The following PDE1A variants were observed in gnomAD, a reference collection of about 807,000 sequenced individuals.
PDE1A encodes phosphodiesterase 1A.
A neutral mutation model predicts 61.7 loss-of-function variants in PDE1A; 35 were observed. The observed-to-expected ratio is 0.57, with a 90% CI of 0.43 to 0.75. PDE1A has a LOEUF of 0.75. Among genes scored for constraint, PDE1A ranks in the 30% least tolerant of loss-of-function variants. The pLI is 0.00. For synonymous variants in PDE1A, 232 were observed against 213.2 expected (o/e 1.09, Z -0.77); for missense variants, 597 against 630.6 (o/e 0.95, Z 0.57).
intron 2 of PDE1A, among the ~76,000 whole-genome samples, chr2:182,514,963 A>AATAAAGAAC (rs756106390): frequency 2.6e-5 from 4 of 152,186 alleles, no homozygotes; most frequent in Non-Finnish European, 4.4e-5. Flanking sequence ...CACACACCCA[A>AATAAAGAAC]ACCATGTTCT....
At chr2:182,707,691 G>A in the PDE1A span, among the ~76,000 whole-genome samples, 1 of 152,156 alleles carries the variant, frequency 6.6e-6, no homozygotes, top group Non-Finnish European at 1.5e-5. Flanking sequence ...GATTCACCAT[G>A]GATTCTATCA....
chr2:182,281,982 A>C (rs1238449600), intron 1 of PDE1A, among the ~76,000 whole-genome samples: 2 of 151,872 alleles, frequency 1.3e-5, no homozygotes, highest in African/African-American at 4.8e-5. Context: ...GATCACCCAA[A>C]TCATTCACCC....
chr2:182,305,684 TAA>T (rs894311969), intron 1 of PDE1A, among the ~76,000 whole-genome samples: 90 of 150,144 alleles, frequency 6.0e-4, no homozygotes, highest in African/African-American at 2.1e-3. Flanking sequence ...TCTCTAATGA[TAA>T]AAGTGATGTA....
chr2:182,271,776 A>G (rs1177570576), intron 1 of PDE1A, among the ~76,000 whole-genome samples: 1 of 152,150 alleles, frequency 6.6e-6, no homozygotes, highest in Non-Finnish European at 1.5e-5. Flanking sequence ...AAGGGTATTT[A>G]TGGTTTGCAT....
At chr2:182,516,559 G>A (rs911783235) in intron 2 of PDE1A, among the ~76,000 whole-genome samples, 2 of 151,656 alleles carry the variant, frequency 1.3e-5, no homozygotes, top group African/African-American at 4.8e-5. Flanking sequence ...AGGCTGAGGT[G>A]GGAGGATCAC....
At chr2:182,641,037 G>C in the PDE1A span, among the ~76,000 whole-genome samples, 1 of 48,034 alleles carries the variant, frequency 2.1e-5, no homozygotes, top group African/African-American at 7.3e-5. Flanking sequence ...AAAAGAAGAA[G>C]AAGAAGATAT....
chr2:182,656,200 A>G, the PDE1A span, among the ~76,000 whole-genome samples: 1,562 of 152,334 alleles, frequency 0.01, 27 homozygotes, highest in East Asian at 0.088. Context: ...AGGAGTTCTC[A>G]TCATTCCACT....
the PDE1A span, among the ~76,000 whole-genome samples, chr2:182,623,186 T>C: frequency 1.3e-5 from 2 of 152,114 alleles, no homozygotes; most frequent in Non-Finnish European, 2.9e-5. Flanking sequence ...GGCATATGCA[T>C]ACACTAAGCT....
At chr2:182,438,794 C>T (rs1684607387) in intron 2 of PDE1A, among the ~76,000 whole-genome samples, 1 of 151,908 alleles carries the variant, frequency 6.6e-6, no homozygotes, top group South Asian at 2.1e-4. Flanking sequence ...AGACTATATC[C>T]AATAGGCAAT....
chr2:182,212,404 T>TG (rs1559193826), intron 7 of PDE1A, among the ~76,000 whole-genome samples: 1 of 151,980 alleles, frequency 6.6e-6, no homozygotes, highest in African/African-American at 2.4e-5. Flanking sequence ...TACAATACAT[T>TG]GGGGAGGAGC....
At chr2:182,275,271 C>T (rs893536376) in intron 1 of PDE1A, among the ~76,000 whole-genome samples, 1 of 152,064 alleles carries the variant, frequency 6.6e-6, no homozygotes, top group Admixed American at 6.6e-5. Context: ...GTAAGAGAGG[C>T]TTCCTCAAGG....
intron 1 of PDE1A, among the ~76,000 whole-genome samples, chr2:182,409,264 C>G (rs1406998012): frequency 6.6e-6 from 1 of 152,142 alleles, no homozygotes; most frequent in Non-Finnish European, 1.5e-5. Flanking sequence ...CTGTGAATAG[C>G]CTGCTAGAAA....
chr2:182,657,891 C>A, the PDE1A span, among the ~76,000 whole-genome samples: 1 of 151,738 alleles, frequency 6.6e-6, no homozygotes, highest in East Asian at 1.9e-4. Context: ...AGACCATTTA[C>A]TGTGTAACTT....
At chr2:182,224,040 G>T (rs1688945811) in intron 6 of PDE1A, 76 bp from the exon 7 acceptor site, 3 of 881,246 alleles carry the variant, frequency 3.4e-6, no homozygotes, top group Admixed American at 2.2e-5. Context: ...AGGACTTTCA[G>T]TGCACCCTGT....
At chr2:182,295,170 G>A (rs991224706) in intron 1 of PDE1A, among the ~76,000 whole-genome samples, 1 of 134,672 alleles carries the variant, frequency 7.4e-6, no homozygotes, top group Non-Finnish European at 1.5e-5. Context: ...TGCCTCCCGA[G>A]TTCACGCCAT....
At chr2:182,452,400 A>G (rs1453906457) in intron 2 of PDE1A, among the ~76,000 whole-genome samples, 1 of 152,138 alleles carries the variant, frequency 6.6e-6, no homozygotes, top group Non-Finnish European at 1.5e-5. Flanking sequence ...TGTGTAGGGG[A>G]TGACTGAAAA....
intron 1 of PDE1A, 146 bp from the exon 2 acceptor site, chr2:182,264,560 T>C: frequency 1.7e-6 from 1 of 579,148 alleles, no homozygotes; most frequent in Admixed American, 3.1e-5. Flanking sequence ...CAGATTTTTT[T>C]TTGATATAAT....
intron 6 of PDE1A, among the ~76,000 whole-genome samples, 176 bp downstream of exon 6, chr2:182,229,830 T>C (rs570488532): frequency 6.6e-6 from 1 of 152,174 alleles, no homozygotes; most frequent in Admixed American, 6.5e-5. Flanking sequence ...CTTAAAGTAT[T>C]TTTTGAAAAA....
chr2:182,244,349 T>C (rs1690789131), intron 2 of PDE1A, among the ~76,000 whole-genome samples: 1 of 112,744 alleles, frequency 8.9e-6, no homozygotes, highest in South Asian at 3.4e-4. Flanking sequence ...TCCTGTTTTG[T>C]TTACCTTTTT....
Sources: gnomAD v4.1 joint callset for allele counts (sites outside exome capture counted in the v4.1 genomes callset) on GRCh38, gnomAD v4.1.1 for gene constraint, MANE v1.5 for transcripts, NCBI Gene and HGNC (gene_info 2026-07-23, HGNC 2026-07-21) for gene names.